The following CHRM3 variants were observed in gnomAD, a reference collection of about 807,000 sequenced individuals.
The protein encoded by CHRM3 is muscarinic acetylcholine receptor M3.
CHRM3 carries 11 observed loss-of-function variants against 41.8 expected under a neutral mutation model. The observed-to-expected ratio is 0.26, with a 90% confidence interval of 0.17 to 0.44. CHRM3 has a LOEUF of 0.44. CHRM3 is among the 20% of genes least tolerant of loss of function. CHRM3 has a pLI of 1.00. For missense variants in CHRM3, 571 were observed against 745.4 expected, an observed-to-expected ratio of 0.77 and a Z score of 2.72; for synonymous variants, 297 against 301.4, an observed-to-expected ratio of 0.99 and a Z score of 0.15.
rs552296116 is a variant in CHRM3, at chr1:239,911,744, G to C, written c.*2520G>C. On this transcript the variant is annotated 3_prime_UTR_variant, in exon 7 of 7. Coordinates refer to ENST00000676153, the MANE Select transcript of CHRM3 (RefSeq NM_001375978.1). ...TTTTTGTTTTACTGGTTTTATTATA[G>C]AATTGTTTTTAAGCCTCTTATGGAT... The C allele has an allele frequency of 7.6e-4, 127 of 167,004 alleles. No homozygotes were observed. The highest frequency in any genetic ancestry group is 2.9e-3 in the African/African-American group (120 of 41,524). 10.3% of individuals were successfully genotyped at this position (167,004 alleles called of 1,614,324 possible).
At chr1:239,551,127 A>G (rs955037385) in intron 3 of CHRM3, among the ~76,000 whole-genome samples, 2 of 140,756 alleles carry the variant, frequency 1.4e-5, no homozygotes, top group African/African-American at 5.2e-5. Context: ...TGGAAAATGC[A>G]TATAAGTGTT....
intron 5 of CHRM3, among the ~76,000 whole-genome samples, chr1:239,811,696 G>C (rs182900133): frequency 6.2e-4 from 95 of 152,274 alleles, no homozygotes; most frequent in African/African-American, 2.1e-3. Context: ...AGATACACCG[G>C]AATGGGACCT....
chr1:239,781,035 A>G (rs1330553666), intron 5 of CHRM3, among the ~76,000 whole-genome samples: 1 of 152,150 alleles, frequency 6.6e-6, no homozygotes, highest in African/African-American at 2.4e-5. Context: ...TTGAAGTAAG[A>G]TGGTATCAGG....
intron 1 of CHRM3, among the ~76,000 whole-genome samples, chr1:239,390,568 G>A (rs1228609577): frequency 2.0e-5 from 3 of 151,568 alleles, no homozygotes; most frequent in Non-Finnish European, 4.4e-5. Context: ...CCTCCACGGA[G>A]AGGGTGTGCA....
At chr1:239,621,604 C>A (rs1668368742) in intron 3 of CHRM3, among the ~76,000 whole-genome samples, 1 of 152,190 alleles carries the variant, frequency 6.6e-6, no homozygotes, top group African/African-American at 2.4e-5. Flanking sequence ...GTTTGAGTGT[C>A]CTGGCTAGAA....
chr1:239,764,791 T>C (rs1337359818), intron 5 of CHRM3, among the ~76,000 whole-genome samples: 1 of 152,248 alleles, frequency 6.6e-6, no homozygotes, highest in Non-Finnish European at 1.5e-5. Context: ...GATTTATCTC[T>C]GGGCTTGACA....
intron 5 of CHRM3, among the ~76,000 whole-genome samples, chr1:239,680,205 G>T (rs1261534620): frequency 2.0e-5 from 3 of 151,960 alleles, no homozygotes; most frequent in Non-Finnish European, 1.5e-5. Context: ...CAGAGTAATT[G>T]TCTTTATAGA....
intron 3 of CHRM3, among the ~76,000 whole-genome samples, chr1:239,595,821 G>C (rs1572845656): frequency 6.6e-6 from 1 of 152,230 alleles, no homozygotes; most frequent in East Asian, 1.9e-4. Flanking sequence ...CCAAAATATA[G>C]CTCCATTTTT....
At chr1:239,508,049 A>G (rs1477232818) in intron 2 of CHRM3, among the ~76,000 whole-genome samples, 1 of 152,236 alleles carries the variant, frequency 6.6e-6, no homozygotes, top group Admixed American at 6.5e-5. Context: ...ACGGAGGAAG[A>G]GTTCACAGGG....
intron 5 of CHRM3, among the ~76,000 whole-genome samples, chr1:239,799,856 G>T (rs1395237931): frequency 6.6e-6 from 1 of 152,092 alleles, no homozygotes; most frequent in Non-Finnish European, 1.5e-5. Context: ...TGAGTAACAG[G>T]GTCAAATGAG....
intron 3 of CHRM3, among the ~76,000 whole-genome samples, chr1:239,600,873 C>T (rs934831128): frequency 4.0e-5 from 6 of 151,436 alleles, no homozygotes; most frequent in Non-Finnish European, 8.8e-5. Context: ...CCTCATTTCT[C>T]TCTATTCACT....
At chr1:239,778,020 T>G (rs1301438717) in intron 5 of CHRM3, among the ~76,000 whole-genome samples, 1 of 152,152 alleles carries the variant, frequency 6.6e-6, no homozygotes, top group East Asian at 1.9e-4. Flanking sequence ...TTTACACTGC[T>G]TGGGTGAAGG....
Position 239,598,776 on chromosome 1 carries a change from G to A in CHRM3, c.-312-33448G>A, listed in dbSNP as rs577642614. On this transcript the variant is annotated intron_variant, in intron 3 of 6. Coordinates refer to ENST00000676153, the MANE Select transcript of CHRM3 (RefSeq NM_001375978.1). ...CCTTTTCTTATTCTTTTTCAAAATG[G>A]AGAATGCTTTTTCCAAATTTGGGAA... Among the ~76,000 whole-genome samples, 5 of 152,126 alleles carry A rather than the reference G, an allele frequency of 3.3e-5. No homozygotes were observed. The South Asian group carries it at 1.0e-3, about 32-fold the overall frequency.
chr1:239,677,799 T>G (rs1658161404), intron 4 of CHRM3, among the ~76,000 whole-genome samples: 3 of 152,202 alleles, frequency 2.0e-5, no homozygotes, highest in Admixed American at 6.5e-5. Flanking sequence ...CAGCTTTATA[T>G]CAACCTAATA....
At chr1:239,462,004 C>G (rs898495525) in intron 1 of CHRM3, among the ~76,000 whole-genome samples, 2 of 152,162 alleles carry the variant, frequency 1.3e-5, no homozygotes, top group Non-Finnish European at 2.9e-5. Context: ...TTGGGTAATA[C>G]CGCTTCTCTC....
At position 239,912,072 on chromosome 1, in the gene CHRM3, C is replaced by T. The variant is rs1680393995; in HGVS notation, c.*2848C>T. ...TTTGCAGACATTTCAAGATTAGCCA[C>T]TTTGCTTGAAAGAAGAAAATGATCA... On this transcript the variant is annotated 3_prime_UTR_variant, in exon 7 of 7. Transcript: ENST00000676153. The T allele has an allele frequency of 6.0e-6, 1 of 167,076 alleles. No homozygotes were observed. The allele number at this position is 167,076 out of a possible 1,614,324, so 10.3% of individuals were successfully genotyped here.
intron 1 of CHRM3, among the ~76,000 whole-genome samples, chr1:239,390,188 C>T (rs561836761): frequency 1.1e-4 from 16 of 152,272 alleles, no homozygotes; most frequent in Admixed American, 9.2e-4. Flanking sequence ...CCCTCTACCA[C>T]GTTTACTTTT....
At chr1:239,500,633 A>T (rs1235377248) in intron 2 of CHRM3, among the ~76,000 whole-genome samples, 1 of 152,064 alleles carries the variant, frequency 6.6e-6, no homozygotes, top group Non-Finnish European at 1.5e-5. Context: ...AAAATAAAGT[A>T]ATTAAATCCC....
At chr1:239,702,048 C>T (rs1660734857) in intron 5 of CHRM3, among the ~76,000 whole-genome samples, 1 of 152,132 alleles carries the variant, frequency 6.6e-6, no homozygotes, top group South Asian at 2.1e-4. Context: ...TTCTTCTGGG[C>T]TGCAGGGAAG....
Sources: allele counts gnomAD v4.1 joint callset (sites outside exome capture counted in the v4.1 genomes callset), GRCh38; gene constraint gnomAD v4.1.1; transcripts MANE v1.5; gene names NCBI Gene and HGNC (gene_info 2026-07-23, HGNC 2026-07-21).